The following FRMD4B variants were observed in gnomAD, a reference collection of about 807,000 sequenced individuals.
FRMD4B encodes FERM domain containing 4B, also known as FERM domain-containing protein 4B.
In FRMD4B, 74 loss-of-function variants were observed where a neutral mutation model predicts 141.5. The ratio of observed to expected loss-of-function variants is 0.52; its 90% CI spans 0.43 to 0.63. The LOEUF (loss-of-function observed/expected upper bound fraction) is 0.63, where lower values mean the gene tolerates loss of function less well. Ranked by LOEUF, FRMD4B falls within the 30% of genes least tolerant of loss-of-function variation. FRMD4B has a pLI of 0.00. For missense variants in FRMD4B, 1,366 were observed against 1,253.4 expected, an observed-to-expected ratio of 1.09 and a Z score of -1.36; for synonymous variants, 506 against 467.9, an observed-to-expected ratio of 1.08 and a Z score of -1.05.
chr3:69,249,047 C>A (rs1044409675), intron 7 of FRMD4B, among the ~76,000 whole-genome samples, 179 bp downstream of exon 7: 1 of 152,222 alleles, frequency 6.6e-6, no homozygotes, highest in African/African-American at 2.4e-5. Context: ...AAGAAAGCAT[C>A]ATTCCCTGAT....
At chr3:69,385,637 C>G (rs192908178) in intron 1 of FRMD4B, among the ~76,000 whole-genome samples, 191 bp downstream of exon 1, 3 of 152,248 alleles carry the variant, frequency 2.0e-5, no homozygotes, top group East Asian at 3.9e-4. Flanking sequence ...CCCCCATGCC[C>G]GATTTGAAAA....
chr3:69,415,393 C>T (rs1295979687), intron 2 of FRMD4B, among the ~76,000 whole-genome samples: 3 of 152,088 alleles, frequency 2.0e-5, no homozygotes, highest in Non-Finnish European at 4.4e-5. Context: ...CAACCATATG[C>T]CCCAAGAGTC....
At position 69,335,465 on chromosome 3, in the gene FRMD4B, C is replaced by T. The variant is rs184008686; in HGVS notation, c.163-21948G>A. Among the ~76,000 whole-genome samples the T allele has an allele frequency of 5.8e-4, 88 of 151,484 alleles. 1 individual carries two copies. In the South Asian group the frequency reaches 8.8e-3, roughly 15 times the overall value. ...TTGGCTCACTGCAACCTCCACCTCC[C>T]GGTTCAAGCAATTCTCCTGCTTCAG... On this transcript the variant is annotated intron_variant, in intron 1 of 22. Coordinates refer to ENST00000398540, the MANE Select transcript of FRMD4B (RefSeq NM_015123.3).
At chr3:69,362,700 ACC>A (rs71115686) in intron 1 of FRMD4B, among the ~76,000 whole-genome samples, 6 of 142,706 alleles carry the variant, frequency 4.2e-5, no homozygotes, top group African/African-American at 5.1e-5. Context: ...CAAAAAGCCA[ACC>A]CCCCCCCCAA....
At chr3:69,172,683 A>C (rs558468888) in intron 22 of FRMD4B, among the ~76,000 whole-genome samples, 1 of 152,318 alleles carries the variant, frequency 6.6e-6, no homozygotes, top group Admixed American at 6.5e-5. Context: ...ATAAATTGGA[A>C]GTGACCCAGG....
chr3:69,474,227 AAAGG>A (rs1332802487), intron 1 of FRMD4B, among the ~76,000 whole-genome samples: 1 of 152,190 alleles, frequency 6.6e-6, no homozygotes, highest in Non-Finnish European at 1.5e-5. Flanking sequence ...AATAAGAAAG[AAAGG>A]AAGAAAGAAA....
chr3:69,542,477 GC>G, exon 1 of FRMD4B: 1 of 153,492 alleles, frequency 6.5e-6, no homozygotes, highest in Non-Finnish European at 1.4e-5. Context: ...TCTGCAGGTC[GC>G]CCCCGCCACC....
chr3:69,305,726 C>T (rs1701371145), intron 3 of FRMD4B, among the ~76,000 whole-genome samples: 1 of 152,078 alleles, frequency 6.6e-6, no homozygotes, highest in African/African-American at 2.4e-5. Context: ...TGCACTCCAG[C>T]CTGGGAAACA....
At chr3:69,419,678 T>C (rs983062506) in intron 2 of FRMD4B, among the ~76,000 whole-genome samples, 1 of 152,124 alleles carries the variant, frequency 6.6e-6, no homozygotes, top group East Asian at 1.9e-4. Flanking sequence ...TGACATAGGA[T>C]GCAGTATGGT....
intron 1 of FRMD4B, among the ~76,000 whole-genome samples, chr3:69,364,932 C>T (rs1401266470): frequency 6.6e-6 from 1 of 151,782 alleles, no homozygotes; most frequent in African/African-American, 2.4e-5. Flanking sequence ...GAAGTTTAGG[C>T]CATTTACAGA....
intron 1 of FRMD4B, among the ~76,000 whole-genome samples, chr3:69,375,508 T>C (rs930929089): frequency 4.6e-5 from 7 of 152,092 alleles, no homozygotes; most frequent in Non-Finnish European, 1.0e-4. Flanking sequence ...TTTAGAGAAC[T>C]CACATAACCA....
At chr3:69,264,951 A>G (rs2093551146) in intron 5 of FRMD4B, among the ~76,000 whole-genome samples, 1 of 152,046 alleles carries the variant, frequency 6.6e-6, no homozygotes, top group Admixed American at 6.6e-5. Flanking sequence ...CCGTGGGAGG[A>G]TAATACAAAT....
chr3:69,499,715 T>G (rs868686275), intron 1 of FRMD4B, among the ~76,000 whole-genome samples: 4 of 150,990 alleles, frequency 2.6e-5, no homozygotes, highest in Non-Finnish European at 5.9e-5. Context: ...GAGAGAGAGA[T>G]GGATTCTAAT....
intron 1 of FRMD4B, among the ~76,000 whole-genome samples, chr3:69,337,406 C>T (rs1422492961): frequency 6.6e-6 from 1 of 152,206 alleles, no homozygotes; most frequent in Non-Finnish European, 1.5e-5. Context: ...GCAAGGACTT[C>T]ATGTCTAAAA....
chr3:69,333,503 A>G (rs1702447953), intron 1 of FRMD4B, among the ~76,000 whole-genome samples: 1 of 152,212 alleles, frequency 6.6e-6, no homozygotes, highest in Admixed American at 6.5e-5. Context: ...GTTTTGTTCC[A>G]TTACAATGTC....
At position 69,198,748 on chromosome 3, in the gene FRMD4B, G is replaced by T; in HGVS notation, c.903C>A (p.Asn301Lys). ...CAAATTTTTTCTCACGGAAATATAA[G>T]TTCTCCAGCTGTTTCCATTGGAATA... ...RKLFQWKQLENLYFREKKFAV... is the reference protein window; with the variant it reads ...RKLFQWKQLEKLYFREKKFAV... The change falls in exon 12 of 23, where the codon AAC (asparagine) becomes AAA (lysine). Residue 301 changes from asparagine to lysine, a missense_variant. Coordinates refer to ENST00000398540, the MANE Select transcript of FRMD4B (RefSeq NM_015123.3). 1 of 1,558,948 alleles carries T rather than the reference G, an allele frequency of 6.4e-7. No individual in the cohort carries two copies. Among genetic ancestry groups the T allele is most frequent in the Non-Finnish European group, 8.8e-7 (1 of 1,141,990 alleles).
intron 1 of FRMD4B, among the ~76,000 whole-genome samples, chr3:69,323,608 G>GTATGTA (rs1553723965): frequency 2.0e-4 from 20 of 101,686 alleles, no homozygotes; most frequent in African/African-American, 7.0e-4. Flanking sequence ...CTCTCTCTGT[G>GTATGTA]TATATATATA....
intron 1 of FRMD4B, among the ~76,000 whole-genome samples, chr3:69,337,661 C>T (rs1350392352): frequency 6.6e-6 from 1 of 152,208 alleles, no homozygotes; most frequent in Non-Finnish European, 1.5e-5. Flanking sequence ...TGAACAGACA[C>T]TTCTCAAAAG....
chr3:69,407,331 T>C (rs562070839), intron 2 of FRMD4B, among the ~76,000 whole-genome samples: 64 of 152,304 alleles, frequency 4.2e-4, no homozygotes, highest in Non-Finnish European at 6.8e-4. Flanking sequence ...AGGCGAGCGT[T>C]AGATGGGACT....
Sources: allele counts gnomAD v4.1 joint callset (sites outside exome capture counted in the v4.1 genomes callset), GRCh38; gene constraint gnomAD v4.1.1; transcripts MANE v1.5; gene names NCBI Gene and HGNC (gene_info 2026-07-23, HGNC 2026-07-21).